Variants in KLHL7 observed in about 807,000 individuals in gnomAD.
KLHL7 encodes the protein kelch-like protein 7.
KLHL7 carries 44 observed loss-of-function variants against 67.4 expected under a neutral mutation model. The ratio of observed to expected loss-of-function variants is 0.65; its 90% CI spans 0.51 to 0.84. The LOEUF (loss-of-function observed/expected upper bound fraction) is 0.84, where lower values mean the gene tolerates loss of function less well. KLHL7 is among the 40% of genes least tolerant of loss of function. The probability of loss-of-function intolerance (pLI) is 0.00; values close to 1 mark genes in which losing one functional copy is unlikely to be tolerated. For synonymous variants in KLHL7, 252 were observed against 243.3 expected (o/e 1.04, Z -0.33); for missense variants, 362 against 718.1 (o/e 0.50, Z 5.67).
chr7:23,141,282 A>C (rs979145426), intron 5 of KLHL7, among the ~76,000 whole-genome samples: 1 of 152,218 alleles, frequency 6.6e-6, no homozygotes, highest in Non-Finnish European at 1.5e-5. Context: ...GATTATCCAA[A>C]TGGGCCCAGT....
At chr7:23,106,917 C>A in intron 1 of KLHL7, 1 of 674,446 alleles carries the variant, frequency 1.5e-6, no homozygotes. Flanking sequence ...TTTCTGTAAG[C>A]TTTATTTATA....
chr7:23,175,576 T>A lies in KLHL7; in HGVS notation c.*1278T>A. ...AATCAAAAAGGAATTAGGAAAAACA[T>A]AATGATAGGTATATTTCTATTTGTG... On this transcript the variant is annotated 3_prime_UTR_variant, in exon 11 of 11. Coordinates refer to ENST00000339077, the MANE Select transcript of KLHL7 (RefSeq NM_001031710.3). 2 of 325,100 alleles carry A rather than the reference T, an allele frequency of 6.2e-6. No homozygotes were observed. Among genetic ancestry groups the A allele is most frequent in the Non-Finnish European group, 5.9e-6 (1 of 169,592 alleles). 20.1% of individuals were successfully genotyped at this position (325,100 alleles called of 1,614,324 possible).
chr7:23,174,013 AGGT>A lies in KLHL7; in HGVS notation c.1480_1482del (p.Gly494del). The A allele has an allele frequency of 6.2e-7, 1 of 1,613,704 alleles. No homozygotes were observed. Among genetic ancestry groups the A allele is most frequent in the Admixed American group, 1.7e-5 (1 of 60,016 alleles). On this transcript the variant is annotated splice_acceptor_variant and coding_sequence_variant, in exon 11 of 11. Transcript: ENST00000339077. LOFTEE classifies it high-confidence loss of function. ...TGTTGTTCATGTTTTATTCTTTTGA[AGGT>A]GGTCTGGACAATGTGGAATATTACG... is the stretch of plus-strand genomic sequence containing the variant.
chr7:23,157,078 G>A (rs560752774), intron 7 of KLHL7, among the ~76,000 whole-genome samples: 4 of 152,256 alleles, frequency 2.6e-5, no homozygotes, highest in South Asian at 2.1e-4. Flanking sequence ...TGATCATGGC[G>A]GAAATCAGCA....
At chr7:23,109,677 A>G (rs1246782764) in intron 1 of KLHL7, among the ~76,000 whole-genome samples, 3 of 152,168 alleles carry the variant, frequency 2.0e-5, no homozygotes, top group African/African-American at 7.2e-5. Flanking sequence ...AAATTACTAC[A>G]TGTCATTATC....
chr7:23,113,298 T>A (rs1315110985), intron 1 of KLHL7, among the ~76,000 whole-genome samples: 2 of 152,222 alleles, frequency 1.3e-5, no homozygotes, highest in Non-Finnish European at 2.9e-5. Context: ...AATATTAAGC[T>A]AGCCTTCAAA....
At chr7:23,116,143 G>T (rs553582113) in intron 1 of KLHL7, among the ~76,000 whole-genome samples, 226 of 152,268 alleles carry the variant, frequency 1.5e-3, no homozygotes, top group Non-Finnish European at 2.6e-3. Context: ...CTTCCTGATT[G>T]TTCTGCACTT....
intron 4 of KLHL7, among the ~76,000 whole-genome samples, chr7:23,138,712 A>G (rs1299885231): frequency 6.6e-6 from 1 of 151,306 alleles, no homozygotes; most frequent in Non-Finnish European, 1.5e-5. Flanking sequence ...TGATTTTTGT[A>G]TTTTTAGTAG....
intron 1 of KLHL7, among the ~76,000 whole-genome samples, chr7:23,113,130 T>G (rs1363208560): frequency 8.4e-6 from 1 of 118,350 alleles, no homozygotes; most frequent in Non-Finnish European, 1.7e-5. Context: ...TTCTCTTTTC[T>G]CTAAAAAAAA....
At chr7:23,165,570 C>T in intron 7 of KLHL7, 128 bp from the exon 8 acceptor site, 5 of 1,125,516 alleles carry the variant, frequency 4.4e-6, no homozygotes, top group Non-Finnish European at 6.5e-6. Context: ...TAGTCTCAAG[C>T]CAAACATTTG....
At chr7:23,110,989 G>A (rs1009938255) in intron 1 of KLHL7, among the ~76,000 whole-genome samples, 2 of 152,008 alleles carry the variant, frequency 1.3e-5, no homozygotes, top group African/African-American at 2.4e-5. Flanking sequence ...AGATTCTGGG[G>A]TTGCAATGAT....
chr7:23,174,733 T>C lies in KLHL7; in HGVS notation c.*435T>C, dbSNP rs931014699. The C allele has an allele frequency of 2.9e-5, 13 of 454,988 alleles. No individual in the cohort carries two copies. The highest frequency in any genetic ancestry group is 2.0e-4 in the African/African-American group (10 of 50,046). 28.2% of individuals were successfully genotyped at this position (454,988 alleles called of 1,614,324 possible). A position where few individuals can be genotyped will look rare whatever the true frequency, so the allele number is the denominator to read the frequency against. On this transcript the variant is annotated 3_prime_UTR_variant, in exon 11 of 11. Coordinates refer to ENST00000339077, the MANE Select transcript of KLHL7 (RefSeq NM_001031710.3). The stretch of plus-strand genomic sequence containing the variant: ...AAATAGTATGAATTGTAAGTCAAGA[T>C]GGGCAACTCAGATGGAGCAGCTTAG...
At chr7:23,106,784 A>G (rs763181455) in intron 1 of KLHL7, 46 of 985,026 alleles carry the variant, frequency 4.7e-5, no homozygotes, top group Non-Finnish European at 5.4e-5. Flanking sequence ...TCTGCAGCAC[A>G]TCGGCGAAAG....
intron 9 of KLHL7, among the ~76,000 whole-genome samples, chr7:23,168,818 C>G (rs1785074179): frequency 6.6e-6 from 1 of 152,210 alleles, no homozygotes; most frequent in Non-Finnish European, 1.5e-5. Flanking sequence ...TCTTCCCTTA[C>G]TAGAACAAGT....
chr7:23,153,065 T>G (rs1784589123), intron 7 of KLHL7, among the ~76,000 whole-genome samples: 1 of 152,194 alleles, frequency 6.6e-6, no homozygotes, highest in African/African-American at 2.4e-5. Flanking sequence ...GCCTACATCC[T>G]TCTGGATAAA....
At chr7:23,173,937 AC>A in intron 10 of KLHL7, 77 bp from the exon 11 acceptor site, 1 of 1,419,996 alleles carries the variant, frequency 7.0e-7, no homozygotes, top group African/African-American at 1.4e-5. Flanking sequence ...TTGGAAAAAT[AC>A]AAAAAGTTAT....
chr7:23,135,640 T>C (rs1783950129), intron 4 of KLHL7, among the ~76,000 whole-genome samples: 1 of 152,226 alleles, frequency 6.6e-6, no homozygotes, highest in African/African-American at 2.4e-5. Context: ...TTAGTCTTTA[T>C]TAGAATAAAA....
At chr7:23,114,823 G>T (rs1164246568) in intron 1 of KLHL7, among the ~76,000 whole-genome samples, 1 of 152,182 alleles carries the variant, frequency 6.6e-6, no homozygotes, top group Non-Finnish European at 1.5e-5. Flanking sequence ...AAGCCAAGGT[G>T]TCATAGCTCT....
At chr7:23,172,378 A>G (rs550708926) in intron 9 of KLHL7, among the ~76,000 whole-genome samples, 8 of 152,356 alleles carry the variant, frequency 5.3e-5, no homozygotes, top group African/African-American at 1.9e-4. Context: ...TAAACTTGAC[A>G]GAATGATAGT....
Sources: allele counts gnomAD v4.1 joint callset (sites outside exome capture counted in the v4.1 genomes callset), GRCh38; gene constraint gnomAD v4.1.1; transcripts MANE v1.5; gene names NCBI Gene and HGNC (gene_info 2026-07-23, HGNC 2026-07-21).